The following GPR141 variants were observed in gnomAD, a reference collection of about 807,000 sequenced individuals.
The protein encoded by GPR141 is G protein-coupled receptor 141.
A neutral mutation model predicts 6.8 loss-of-function variants in GPR141; 6 were observed. That is an observed-to-expected ratio of 0.88 (90% confidence interval 0.48 to 1.74). The LOEUF is 1.74. Among genes scored for constraint, GPR141 ranks in the 40% most tolerant of loss-of-function variants. The pLI, the probability that GPR141 is intolerant of heterozygous loss-of-function variation, is 0.01. For synonymous variants in GPR141, 140 were observed against 142.3 expected (o/e 0.98, Z 0.11); for missense variants, 372 against 372.9 (o/e 1.00, Z 0.02).
At chr7:37,735,408 T>C (rs752342784) in intron 2 of GPR141, among the ~76,000 whole-genome samples, 6 of 152,210 alleles carry the variant, frequency 3.9e-5, no homozygotes, top group African/African-American at 1.4e-4. Flanking sequence ...ATAGCAAAGA[T>C]GTCAGCAGTT....
chr7:37,739,099 C>A (rs572501874), intron 2 of GPR141, among the ~76,000 whole-genome samples: 3 of 152,208 alleles, frequency 2.0e-5, no homozygotes, highest in Non-Finnish European at 4.4e-5. Flanking sequence ...GGTGCTATCA[C>A]CCCATTGAGA....
At chr7:37,730,302 A>G (rs1562788314) in intron 2 of GPR141, among the ~76,000 whole-genome samples, 3 of 152,180 alleles carry the variant, frequency 2.0e-5, no homozygotes, top group African/African-American at 7.2e-5. Context: ...TTTTTCTACA[A>G]AATAAAGTGT....
chr7:37,716,235 GT>G (rs1341302455), intron 2 of GPR141, among the ~76,000 whole-genome samples: 1 of 152,166 alleles, frequency 6.6e-6, no homozygotes, highest in African/African-American at 2.4e-5. Flanking sequence ...CATAGTTCCT[GT>G]CCAGGCTGCC....
chr7:37,699,389 A>G (rs1030162321), intron 2 of GPR141, among the ~76,000 whole-genome samples: 1 of 152,102 alleles, frequency 6.6e-6, no homozygotes, highest in Non-Finnish European at 1.5e-5. Context: ...GTGAAACCCC[A>G]TTTCTACTAA....
chr7:37,725,152 C>T (rs1279584316), intron 2 of GPR141, among the ~76,000 whole-genome samples: 1 of 152,190 alleles, frequency 6.6e-6, no homozygotes, highest in Non-Finnish European at 1.5e-5. Flanking sequence ...TGACCACTCT[C>T]ATGGATCTTT....
At chr7:37,719,934 C>T (rs1811236923) in intron 2 of GPR141, among the ~76,000 whole-genome samples, 1 of 152,048 alleles carries the variant, frequency 6.6e-6, no homozygotes, top group African/African-American at 2.4e-5. Context: ...GCCAGGGCAG[C>T]CTTTGGAAAT....
At chr7:37,704,399 A>G (rs1321671897) in intron 2 of GPR141, among the ~76,000 whole-genome samples, 1 of 152,198 alleles carries the variant, frequency 6.6e-6, no homozygotes, top group Non-Finnish European at 1.5e-5. Context: ...GGAGACTTAC[A>G]ATCGTGGCAG....
chr7:37,703,263 G>C (rs1203385698), intron 2 of GPR141, among the ~76,000 whole-genome samples: 1 of 151,872 alleles, frequency 6.6e-6, no homozygotes, highest in African/African-American at 2.4e-5. Context: ...TTTTTTTAGT[G>C]GTCTGTCTTC....
At chr7:37,719,666 A>G (rs1012749353) in intron 2 of GPR141, among the ~76,000 whole-genome samples, 15 of 152,214 alleles carry the variant, frequency 9.9e-5, no homozygotes, top group African/African-American at 2.9e-4. Context: ...CGCCTTGGCC[A>G]TATTTAGAAT....
At chr7:37,692,710 C>G (rs902909103) in intron 2 of GPR141, among the ~76,000 whole-genome samples, 1 of 152,172 alleles carries the variant, frequency 6.6e-6, no homozygotes, top group Admixed American at 6.5e-5. Flanking sequence ...GGGATGGTAT[C>G]TCATTGTGGT....
At chr7:37,732,599 A>G (rs1359973284) in intron 2 of GPR141, among the ~76,000 whole-genome samples, 1 of 152,200 alleles carries the variant, frequency 6.6e-6, no homozygotes, top group Non-Finnish European at 1.5e-5. Flanking sequence ...AAAACCTATC[A>G]GGACTCAATT....
rs112017570 is a variant in GPR141, at chr7:37,686,232, G to A, written c.-15+649G>A. On this transcript the variant is annotated intron_variant, in intron 2 of 2. Coordinates refer to ENST00000334425, the MANE Select transcript of GPR141 (RefSeq NM_001381946.1). ...GCCAAGGCTGGTCTCAAATCCCTGGGCTCAAGCAGTCTTCCTGACTCAGAC... is the reference window on the plus strand; with the variant it reads ...GCCAAGGCTGGTCTCAAATCCCTGGACTCAAGCAGTCTTCCTGACTCAGAC... 7.8e-3 allele frequency among the ~76,000 whole-genome samples: 1,174 copies of A among 150,992 alleles called. 21 individuals carry two copies. Among genetic ancestry groups the A allele is most frequent in the African/African-American group, 0.027 (1,100 of 41,030 alleles).
intron 2 of GPR141, among the ~76,000 whole-genome samples, chr7:37,718,133 T>C (rs914881433): frequency 6.6e-6 from 1 of 152,000 alleles, no homozygotes; most frequent in African/African-American, 2.4e-5. Flanking sequence ...ATGAACTAAA[T>C]AGTCACTCTC....
At chr7:37,698,023 A>G in intron 2 of GPR141, among the ~76,000 whole-genome samples, 1 of 152,204 alleles carries the variant, frequency 6.6e-6, no homozygotes, top group Non-Finnish European at 1.5e-5. Flanking sequence ...CATGGGATAC[A>G]TACAGGAGGC....
At chr7:37,711,680 A>T (rs1810802355) in intron 2 of GPR141, among the ~76,000 whole-genome samples, 1 of 152,226 alleles carries the variant, frequency 6.6e-6, no homozygotes, top group Admixed American at 6.5e-5. Flanking sequence ...AGGTATCTTT[A>T]TGTGAATCTC....
At position 37,741,093 on chromosome 7, in the gene GPR141, A is replaced by ATCC; in HGVS notation, c.702_704dup (p.Leu235dup). On this transcript the variant is annotated inframe_insertion, in exon 3 of 3. Transcript: ENST00000334425. Reference sequence around the variant, plus strand: ...GAAAAACCTATTTTTTATAGGGGTCATCCTTGTTTGTTTCCTTCCCTACCA... The same window carrying ATCC: ...GAAAAACCTATTTTTTATAGGGGTCATCCTCCTTGTTTGTTTCCTTCCCTACCA... 2 of 1,613,916 alleles carry ATCC rather than the reference A, an allele frequency of 1.2e-6. No individual in the cohort carries two copies. Among genetic ancestry groups the ATCC allele is most frequent in the South Asian group, 1.1e-5 (1 of 91,078 alleles).
chr7:37,732,469 T>G (rs1193437419), intron 2 of GPR141, among the ~76,000 whole-genome samples: 1 of 152,092 alleles, frequency 6.6e-6, no homozygotes, highest in East Asian at 1.9e-4. Flanking sequence ...TGCAATTTGA[T>G]GCAGATCATC....
intron 2 of GPR141, among the ~76,000 whole-genome samples, chr7:37,724,228 A>G (rs950404635): frequency 7.9e-5 from 12 of 152,166 alleles, no homozygotes; most frequent in Non-Finnish European, 1.3e-4. Context: ...TTGGTGAAAA[A>G]TGATGTCTTT....
At chr7:37,714,100 A>G (rs1445034350) in intron 2 of GPR141, among the ~76,000 whole-genome samples, 1 of 150,384 alleles carries the variant, frequency 6.6e-6, no homozygotes, top group Non-Finnish European at 1.5e-5. Flanking sequence ...TTTCTCTGAG[A>G]TGTAGTAAAG....
Sources: allele counts gnomAD v4.1 joint callset (sites outside exome capture counted in the v4.1 genomes callset), GRCh38; gene constraint gnomAD v4.1.1; transcripts MANE v1.5; gene names NCBI Gene and HGNC (gene_info 2026-07-23, HGNC 2026-07-21).